TMEM178B: variants seen among roughly 807,000 people sequenced by gnomAD.
TMEM178B encodes transmembrane protein 178B.
TMEM178B carries 5 observed loss-of-function variants against 31.0 expected under a neutral mutation model. The observed-to-expected ratio is 0.16, with a 90% CI of 0.08 to 0.34. The LOEUF (loss-of-function observed/expected upper bound fraction) is 0.34. TMEM178B is among the 10% of genes least tolerant of loss of function. The probability of loss-of-function intolerance (pLI) is 1.00; values close to 1 mark genes in which losing one functional copy is unlikely to be tolerated. For missense variants in TMEM178B, 275 were observed against 400.3 expected, an observed-to-expected ratio of 0.69 and a Z score of 2.67; for synonymous variants, 164 against 164.0, an observed-to-expected ratio of 1.00 and a Z score of 0.00.
At chr7:141,215,337 A>ATTATTATTTTTTTTTTTT (rs55726735) in intron 2 of TMEM178B, among the ~76,000 whole-genome samples, 1 of 141,488 alleles carries the variant, frequency 7.1e-6, no homozygotes, top group Non-Finnish European at 1.5e-5. Flanking sequence ...TATTATTATT[A>ATTATTATTTTTTTTTTTT]TTTTTTGAGA....
intron 2 of TMEM178B, among the ~76,000 whole-genome samples, chr7:141,255,911 G>A (rs531554498): frequency 6.6e-6 from 1 of 152,264 alleles, no homozygotes; most frequent in African/African-American, 2.4e-5. Flanking sequence ...CGAGAGAACT[G>A]TGGTCTCTGC....
chr7:141,173,980 G>A (rs144929646), intron 1 of TMEM178B, among the ~76,000 whole-genome samples: 2 of 152,108 alleles, frequency 1.3e-5, no homozygotes, highest in Non-Finnish European at 2.9e-5. Context: ...AAATTATACT[G>A]TAAGTTCTGG....
intron 2 of TMEM178B, among the ~76,000 whole-genome samples, chr7:141,242,731 C>G (rs1255519053): frequency 7.9e-5 from 12 of 151,812 alleles, no homozygotes; most frequent in Admixed American, 5.3e-4. Flanking sequence ...TCAGTAGAGA[C>G]AGAGTTTCAC....
chr7:141,409,994 T>TGGGCTCAGC (rs1800952370), intron 2 of TMEM178B, among the ~76,000 whole-genome samples: 1 of 152,194 alleles, frequency 6.6e-6, no homozygotes, highest in Non-Finnish European at 1.5e-5. Context: ...TGTCTTTGCT[T>TGGGCTCAGC]AGCCCTGGGC....
intron 2 of TMEM178B, among the ~76,000 whole-genome samples, chr7:141,376,817 A>T (rs1478423723): frequency 6.6e-6 from 1 of 152,196 alleles, no homozygotes; most frequent in Non-Finnish European, 1.5e-5. Context: ...AGATTTGAAA[A>T]TATTTTAAAG....
At chr7:141,185,875 C>CTGGG (rs1233031274) in intron 1 of TMEM178B, among the ~76,000 whole-genome samples, 2 of 152,032 alleles carry the variant, frequency 1.3e-5, no homozygotes, top group Non-Finnish European at 2.9e-5. Flanking sequence ...CAGGGCTTTT[C>CTGGG]TGGGGAGCTG....
chr7:141,215,522 G>A (rs1166783957), intron 2 of TMEM178B, among the ~76,000 whole-genome samples: 1 of 151,684 alleles, frequency 6.6e-6, no homozygotes, highest in Non-Finnish European at 1.5e-5. Context: ...GACAGGGTTT[G>A]ACCATGTTGG....
the TMEM178B span, among the ~76,000 whole-genome samples, chr7:141,493,826 T>G: frequency 6.6e-6 from 1 of 152,212 alleles, no homozygotes; most frequent in South Asian, 2.1e-4. Context: ...CATTTTTCTC[T>G]AGAAATACAA....
intron 1 of TMEM178B, among the ~76,000 whole-genome samples, chr7:141,077,233 A>C (rs1008593848): frequency 6.6e-6 from 1 of 152,264 alleles, no homozygotes; most frequent in Non-Finnish European, 1.5e-5. Flanking sequence ...TAGAAACCGC[A>C]AAAGAGATCT....
At chr7:141,507,226 A>G in the TMEM178B span, among the ~76,000 whole-genome samples, 1 of 152,210 alleles carries the variant, frequency 6.6e-6, no homozygotes, top group African/African-American at 2.4e-5. Flanking sequence ...GTACCCCAGT[A>G]GCAACTCTGT....
intron 3 of TMEM178B, among the ~76,000 whole-genome samples, chr7:141,459,565 C>T (rs997650206): frequency 2.0e-5 from 3 of 152,152 alleles, no homozygotes; most frequent in Non-Finnish European, 4.4e-5. Context: ...TGTGGATAAT[C>T]TCGTGCTAGG....
intron 1 of TMEM178B, among the ~76,000 whole-genome samples, chr7:141,196,189 T>C (rs917388843): frequency 5.9e-5 from 9 of 152,214 alleles, no homozygotes; most frequent in Non-Finnish European, 2.9e-5. Flanking sequence ...TTTTAATGAC[T>C]CTATAATATT....
intron 2 of TMEM178B, among the ~76,000 whole-genome samples, chr7:141,337,155 CCAT>C (rs1563155384): frequency 0.029 from 57 of 1,978 alleles, 2 homozygotes; most frequent in South Asian, 0.058. Flanking sequence ...ATCACCACCA[CCAT>C]CACCACCACC....
chr7:141,478,989 C>T lies in TMEM178B; in HGVS notation c.*8203C>T, dbSNP rs566305005. Reference sequence around the variant, plus strand: ...CTCAGCCTCTGGAAGTTCTGCTTCACCTGCTTAGTAAGAGGAGATGACCAC... The same window carrying T: ...CTCAGCCTCTGGAAGTTCTGCTTCATCTGCTTAGTAAGAGGAGATGACCAC... On this transcript the variant is annotated 3_prime_UTR_variant, in exon 4 of 4. Transcript: ENST00000565468. 2 of 152,250 alleles carry T rather than the reference C, an allele frequency of 1.3e-5. No homozygotes were observed. Among genetic ancestry groups the T allele is most frequent in the Non-Finnish European group, 2.9e-5 (2 of 68,106 alleles). The allele number at this position is 152,250 out of a possible 1,614,324, so 9.4% of individuals were successfully genotyped here. A position where few individuals can be genotyped will look rare whatever the true frequency, so the allele number is the denominator to read the frequency against.
intron 2 of TMEM178B, among the ~76,000 whole-genome samples, chr7:141,228,004 C>T (rs1378654399): frequency 6.6e-6 from 1 of 151,834 alleles, no homozygotes; most frequent in Non-Finnish European, 1.5e-5. Flanking sequence ...TTATAGCTTA[C>T]ATTTCTCTGT....
chr7:141,316,413 G>A (rs1340285349), intron 2 of TMEM178B, among the ~76,000 whole-genome samples: 3 of 152,200 alleles, frequency 2.0e-5, no homozygotes, highest in Non-Finnish European at 4.4e-5. Context: ...AGGATTGTAT[G>A]TGGAAGGTAT....
chr7:141,132,146 G>C (rs980456900), intron 1 of TMEM178B, among the ~76,000 whole-genome samples: 4 of 152,076 alleles, frequency 2.6e-5, no homozygotes, highest in African/African-American at 9.7e-5. Context: ...AACTCACTGT[G>C]GATTCAGTGT....
chr7:141,464,064 CAG>C (rs1802107937), intron 3 of TMEM178B, among the ~76,000 whole-genome samples: 1 of 152,130 alleles, frequency 6.6e-6, no homozygotes, highest in African/African-American at 2.4e-5. Flanking sequence ...AAGCATGACT[CAG>C]AGGGTAGCAG....
chr7:141,125,927 CCCT>C (rs1474778429), intron 1 of TMEM178B, among the ~76,000 whole-genome samples: 9 of 152,110 alleles, frequency 5.9e-5, no homozygotes, highest in Admixed American at 1.3e-4. Flanking sequence ...TTCTCCTGGA[CCCT>C]CAAGTAACCT....
Sources: gnomAD v4.1 joint callset for allele counts (sites outside exome capture counted in the v4.1 genomes callset) on GRCh38, gnomAD v4.1.1 for gene constraint, MANE v1.5 for transcripts, NCBI Gene and HGNC (gene_info 2026-07-23, HGNC 2026-07-21) for gene names.